The following PLCXD2 variants were observed in gnomAD, a reference collection of about 807,000 sequenced individuals.
PLCXD2 encodes the protein phosphatidylinositol specific phospholipase C X domain containing 2.
Under a neutral mutation model 28.6 loss-of-function variants are expected in PLCXD2, and 21 were observed. The observed-to-expected ratio is 0.73, with a 90% CI of 0.52 to 1.06. The LOEUF is 1.06. Among genes scored for constraint, PLCXD2 ranks in the 50% least tolerant of loss-of-function variants. The pLI is 0.00. For missense variants in PLCXD2, 369 were observed against 376.7 expected (o/e 0.98, Z 0.17); for synonymous variants, 140 against 150.1 (o/e 0.93, Z 0.49).
At chr3:111,711,022 A>G (rs908226056) in intron 2 of PLCXD2, among the ~76,000 whole-genome samples, 1 of 152,242 alleles carries the variant, frequency 6.6e-6, no homozygotes, top group African/African-American at 2.4e-5. Flanking sequence ...CTGTGATGAT[A>G]TCTCAGAAAA....
chr3:111,703,239 A>G (rs1941071802), intron 1 of PLCXD2, among the ~76,000 whole-genome samples: 1 of 152,204 alleles, frequency 6.6e-6, no homozygotes, highest in Non-Finnish European at 1.5e-5. Flanking sequence ...TGCTGGGCAC[A>G]GGATGTCAGA....
intron 1 of PLCXD2, among the ~76,000 whole-genome samples, chr3:111,703,968 A>G (rs575416884): frequency 6.6e-6 from 1 of 152,330 alleles, no homozygotes; most frequent in South Asian, 2.1e-4. Context: ...ATGCTACATA[A>G]AAGTAAAGCA....
rs142010268 is a variant in PLCXD2 at position 111,693,277 on chromosome 3, G to T, written c.164-14649G>T. 1.5e-4 allele frequency among the ~76,000 whole-genome samples: 23 copies of T among 152,292 alleles called. No homozygotes were observed. In the East Asian group the frequency reaches 4.2e-3, roughly 28 times the overall value. On this transcript the variant is annotated intron_variant, in intron 1 of 4. Transcript: ENST00000477665. ...GTTACCTTTAAATAAGGCAAATGCA[G>T]CACAAGGCTGAGGCATTTATTATTT...
chr3:111,701,671 T>C (rs764956552), intron 1 of PLCXD2, among the ~76,000 whole-genome samples: 11 of 152,248 alleles, frequency 7.2e-5, no homozygotes, highest in African/African-American at 2.4e-4. Flanking sequence ...TTCTGTTTGT[T>C]TGGGTGGTTT....
chr3:111,691,608 A>G (rs1180733720), intron 1 of PLCXD2: 1 of 152,236 alleles, frequency 6.6e-6, no homozygotes, highest in Non-Finnish European at 1.5e-5. Flanking sequence ...AGGTCCAAAG[A>G]CAAACTCTGC....
chr3:111,692,656 T>C (rs1277794049), intron 1 of PLCXD2: 1 of 152,190 alleles, frequency 6.6e-6, no homozygotes, highest in African/African-American at 2.4e-5. Flanking sequence ...ATTGAGAGGG[T>C]AACCAAATTA....
intron 1 of PLCXD2, among the ~76,000 whole-genome samples, chr3:111,690,609 G>A (rs777020072): frequency 5.3e-5 from 8 of 152,160 alleles, no homozygotes; most frequent in South Asian, 2.1e-4. Flanking sequence ...CACTTTCCCC[G>A]TTGGGTGTAA....
intron 2 of PLCXD2, among the ~76,000 whole-genome samples, chr3:111,709,533 A>G (rs1379257804): frequency 1.3e-5 from 2 of 152,138 alleles, no homozygotes; most frequent in East Asian, 1.9e-4. Flanking sequence ...ATGGAAAACG[A>G]AAAGGTCAAG....
intron 1 of PLCXD2, among the ~76,000 whole-genome samples, chr3:111,680,458 GAA>G (rs5851774): frequency 6.9e-6 from 1 of 145,704 alleles, no homozygotes; most frequent in African/African-American, 2.5e-5. Context: ...ACTCAATCAT[GAA>G]AAAAAAAAAA....
rs571556021 is a variant in PLCXD2, at chr3:111,699,907, C to A, written c.164-8019C>A. On this transcript the variant is annotated intron_variant, in intron 1 of 4. Transcript: ENST00000477665. Reference sequence around the variant, plus strand: ...AAGGAGTGATGAAGAAAGCATCTACCAATACATGGGAAAGGCACTTCACCA... The same window carrying A: ...AAGGAGTGATGAAGAAAGCATCTACAAATACATGGGAAAGGCACTTCACCA... Among the ~76,000 whole-genome samples the A allele has an allele frequency of 1.2e-3, 176 of 152,252 alleles. 1 individual carries two copies. The highest frequency in any genetic ancestry group is 4.0e-3 in the African/African-American group (168 of 41,534).
intron 2 of PLCXD2, among the ~76,000 whole-genome samples, chr3:111,712,425 A>G (rs1202132588): frequency 4.6e-5 from 7 of 151,974 alleles, no homozygotes; most frequent in African/African-American, 1.5e-4. Context: ...CACCTGGCCA[A>G]TTACACCTCT....
chr3:111,693,328 C>G (rs376525691), intron 1 of PLCXD2, among the ~76,000 whole-genome samples: 5 of 152,322 alleles, frequency 3.3e-5, no homozygotes, highest in Middle Eastern at 3.4e-3. Flanking sequence ...TCAGACTCAT[C>G]TGTGGCTACG....
intron 1 of PLCXD2, among the ~76,000 whole-genome samples, chr3:111,682,720 T>C (rs1940735904): frequency 1.3e-5 from 2 of 152,138 alleles, no homozygotes; most frequent in South Asian, 4.1e-4. Context: ...GATACACCCC[T>C]CCCCAAATAA....
chr3:111,698,849 C>A (rs1319910493), intron 1 of PLCXD2, among the ~76,000 whole-genome samples: 1 of 152,214 alleles, frequency 6.6e-6, no homozygotes, highest in Non-Finnish European at 1.5e-5. Flanking sequence ...TTAGGCATTT[C>A]TATTCCTTAT....
intron 2 of PLCXD2, among the ~76,000 whole-genome samples, chr3:111,708,928 G>A (rs1941160794): frequency 6.6e-6 from 1 of 152,142 alleles, no homozygotes; most frequent in Admixed American, 6.5e-5. Context: ...CAGCCTGTAA[G>A]AGCATTCCAT....
At chr3:111,721,024 A>G (rs1289811284) in intron 3 of PLCXD2, 2 of 396,350 alleles carry the variant, frequency 5.0e-6, no homozygotes, top group Non-Finnish European at 8.9e-6. Flanking sequence ...TCACAGGGCC[A>G]TTTAGATAAA....
intron 1 of PLCXD2, among the ~76,000 whole-genome samples, chr3:111,704,817 A>ATTT (rs34775570): frequency 6.9e-6 from 1 of 144,762 alleles, no homozygotes. Flanking sequence ...ATCTAGCATA[A>ATTT]TTTTTTTTTT....
chr3:111,693,382 G>T (rs2107848672), intron 1 of PLCXD2, among the ~76,000 whole-genome samples: 1 of 152,292 alleles, frequency 6.6e-6, no homozygotes, highest in South Asian at 2.1e-4. Flanking sequence ...GTGACGACCT[G>T]CTGCATTCTA....
At chr3:111,682,550 C>T (rs538749172) in intron 1 of PLCXD2, among the ~76,000 whole-genome samples, 14 of 152,228 alleles carry the variant, frequency 9.2e-5, no homozygotes, top group Admixed American at 6.5e-4. Flanking sequence ...CACATTTGTG[C>T]GCTATAATGC....
Sources: allele counts gnomAD v4.1 joint callset (sites outside exome capture counted in the v4.1 genomes callset), GRCh38; gene constraint gnomAD v4.1.1; transcripts MANE v1.5; gene names NCBI Gene and HGNC (gene_info 2026-07-23, HGNC 2026-07-21).